The following LRBA variants were observed in gnomAD, a reference collection of about 807,000 sequenced individuals.
LRBA encodes the protein lipopolysaccharide-responsive and beige-like anchor protein.
Under a neutral mutation model 330.0 loss-of-function variants are expected in LRBA, and 176 were observed. The ratio of observed to expected loss-of-function variants is 0.53; its 90% CI spans 0.47 to 0.60. The LOEUF is 0.60. Among genes scored for constraint, LRBA ranks in the 20% least tolerant of loss-of-function variants. The probability of loss-of-function intolerance (pLI) is 0.00; values close to 1 mark genes in which losing one functional copy is unlikely to be tolerated. For synonymous variants in LRBA, 1,230 were observed against 1,193.0 expected (o/e 1.03, Z -0.64); for missense variants, 3,259 against 3,444.8 (o/e 0.95, Z 1.35).
intron 39 of LRBA, among the ~76,000 whole-genome samples, chr4:150,589,775 T>G (rs563860266): frequency 6.6e-6 from 1 of 152,228 alleles, no homozygotes; most frequent in Admixed American, 6.5e-5. Flanking sequence ...GTATTACTAG[T>G]AGCAAGAATA....
intron 55 of LRBA, among the ~76,000 whole-genome samples, chr4:150,279,413 A>G (rs755891227): frequency 5.3e-5 from 8 of 152,358 alleles, no homozygotes; most frequent in South Asian, 2.1e-4. Flanking sequence ...TAAAGCCACT[A>G]CAAACACCTG....
At position 150,459,042 on chromosome 4, in the gene LRBA, C is replaced by T. The variant is rs1038150763; in HGVS notation, c.6780+8631G>A. Among the ~76,000 whole-genome samples, 90 of 151,998 alleles carry T rather than the reference C, an allele frequency of 5.9e-4. 2 individuals carry two copies. The highest frequency in any genetic ancestry group is 6.6e-4 in the Admixed American group (10 of 15,198). ...ATCAAGTGGGCTCGAAGTAGAATCC[C>T]TAAATGTTTTATTTTTTTAGGTGTT... On this transcript the variant is annotated intron_variant, in intron 44 of 56. Coordinates refer to ENST00000651943, the MANE Select transcript of LRBA (RefSeq NM_001364905.1).
intron 48 of LRBA, among the ~76,000 whole-genome samples, chr4:150,335,363 T>C (rs919762693): frequency 6.6e-6 from 1 of 151,254 alleles, no homozygotes; most frequent in African/African-American, 2.4e-5. Flanking sequence ...ATATAGAGTA[T>C]GACCTTATTT....
Position 150,321,586 on chromosome 4 carries a change from G to C in LRBA, c.7453-218C>G, listed in dbSNP as rs1228119779. Among the ~76,000 whole-genome samples the C allele has an allele frequency of 1.3e-5, 2 of 152,180 alleles. No individual in the cohort carries two copies. Among genetic ancestry groups the C allele is most frequent in the African/African-American group, 2.4e-5 (1 of 41,454 alleles). ...TCGTTAGTTGGAATTTTGGGGGACT[G>C]AAGTAGAATACATTAACAGAAACAC... On this transcript the variant is annotated intron_variant, in intron 49 of 56. Transcript: ENST00000651943. The surrounding 1 kb of genome is among the most constrained non-coding windows in gnomAD (Gnocchi z 4.5).
In LRBA at chr4:150,275,485, C is replaced by A. The variant is rs182419846; in HGVS notation, c.8468+2368G>T. ...GTATTCAGATAGGAAAAGAGGAAGT[C>A]AAATTATCCCTGTTTGCAGATGACA... is the stretch of plus-strand genomic sequence containing the variant. On this transcript the variant is annotated intron_variant, in intron 56 of 56. Coordinates refer to ENST00000651943, the MANE Select transcript of LRBA (RefSeq NM_001364905.1). 1.0e-3 allele frequency among the ~76,000 whole-genome samples: 154 copies of A among 152,278 alleles called. 1 individual carries two copies. The East Asian group carries it at 0.011, about 11-fold the overall frequency.
chr4:150,527,571 A>G (rs1249824068), intron 40 of LRBA, among the ~76,000 whole-genome samples: 1 of 152,232 alleles, frequency 6.6e-6, no homozygotes, highest in Non-Finnish European at 1.5e-5. Flanking sequence ...AAATCCTAAA[A>G]TGACAGCTAT....
intron 40 of LRBA, among the ~76,000 whole-genome samples, chr4:150,568,037 G>C (rs534001886): frequency 3.3e-5 from 5 of 152,264 alleles, no homozygotes; most frequent in Non-Finnish European, 4.4e-5. Context: ...CGGGCACTGT[G>C]GCTCACGCCT....
chr4:150,937,171 G>A (rs1735163967), intron 2 of LRBA, among the ~76,000 whole-genome samples: 1 of 152,000 alleles, frequency 6.6e-6, no homozygotes, highest in South Asian at 2.1e-4. Context: ...AGAAATTGAT[G>A]GCAGAAATTT....
chr4:150,595,773 T>C (rs1329937295), intron 38 of LRBA, among the ~76,000 whole-genome samples: 1 of 151,932 alleles, frequency 6.6e-6, no homozygotes, highest in Non-Finnish European at 1.5e-5. Context: ...GCCCTTTGTT[T>C]CCTCAGTTTC....
chr4:150,906,009 AAATGTTACCAC>A lies in LRBA; in HGVS notation c.1603-30_1603-20del. On this transcript the variant is annotated intron_variant, in intron 12 of 56. Coordinates refer to ENST00000651943, the MANE Select transcript of LRBA (RefSeq NM_001364905.1). ...TGGAAGACTGCAAAAAAAGTAGTTC[AAATGTTACCAC>A]AAATTCAAGTCAAAGTAAGTGAATT... 2 of 1,607,572 alleles carry A rather than the reference AAATGTTACCAC, an allele frequency of 1.2e-6. No homozygotes were observed. The highest frequency in any genetic ancestry group is 8.5e-7 in the Non-Finnish European group (1 of 1,175,304).
chr4:150,768,444 TG>T (rs2126513654), intron 34 of LRBA, among the ~76,000 whole-genome samples: 1 of 152,270 alleles, frequency 6.6e-6, no homozygotes, highest in South Asian at 2.1e-4. Context: ...CATCCTACCA[TG>T]GTAAACATTG....
chr4:150,323,398 T>G (rs1490718959), intron 49 of LRBA, among the ~76,000 whole-genome samples: 2 of 152,222 alleles, frequency 1.3e-5, no homozygotes, highest in Admixed American at 6.5e-5. Context: ...TACATATTTC[T>G]GAGCTTAACA....
chr4:150,519,604 T>C (rs1337153839), intron 40 of LRBA, among the ~76,000 whole-genome samples: 1 of 152,216 alleles, frequency 6.6e-6, no homozygotes, highest in Non-Finnish European at 1.5e-5. Flanking sequence ...TTGGTGTATC[T>C]ACCCTTCATT....
At chr4:150,980,982 A>G (rs1358889119) in intron 2 of LRBA, among the ~76,000 whole-genome samples, 1 of 152,204 alleles carries the variant, frequency 6.6e-6, no homozygotes, top group Non-Finnish European at 1.5e-5. Flanking sequence ...AGAGGACACC[A>G]AAAAATGGAA....
intron 46 of LRBA, among the ~76,000 whole-genome samples, chr4:150,435,010 G>C (rs547319457): frequency 1.3e-5 from 2 of 152,146 alleles, no homozygotes; most frequent in Admixed American, 6.5e-5. Flanking sequence ...CAGAGAGAGA[G>C]GAAGGAGAGA....
intron 2 of LRBA, among the ~76,000 whole-genome samples, chr4:150,971,298 T>C (rs1038257077): frequency 1.3e-5 from 2 of 152,184 alleles, no homozygotes. Flanking sequence ...CCCAATTTCA[T>C]ACAGAGTGGC....
intron 9 of LRBA, among the ~76,000 whole-genome samples, chr4:150,913,030 T>G (rs1243510409): frequency 1.3e-5 from 2 of 152,238 alleles, no homozygotes; most frequent in Admixed American, 1.3e-4. Flanking sequence ...TGGTGGACTT[T>G]CCAGTTTTTC....
chr4:150,667,037 G>GT (rs1197897490), intron 37 of LRBA, among the ~76,000 whole-genome samples: 9 of 152,158 alleles, frequency 5.9e-5, no homozygotes, highest in African/African-American at 1.7e-4. Flanking sequence ...CCAGTGTCAC[G>GT]TATCTGTTAA....
At chr4:150,796,356 C>T (rs930788220) in intron 34 of LRBA, among the ~76,000 whole-genome samples, 7 of 151,962 alleles carry the variant, frequency 4.6e-5, no homozygotes, top group Non-Finnish European at 1.0e-4. Flanking sequence ...AATCTGTATA[C>T]ATCTGGAGCT....
Sources: allele counts gnomAD v4.1 joint callset (sites outside exome capture counted in the v4.1 genomes callset), GRCh38; gene constraint gnomAD v4.1.1; non-coding constraint Gnocchi (gnomAD v3.1); transcripts MANE v1.5; gene names NCBI Gene and HGNC (gene_info 2026-07-23, HGNC 2026-07-21).